Variants in PCCB observed in about 807,000 individuals in gnomAD.
PCCB encodes propionyl-CoA carboxylase subunit beta.
A neutral mutation model predicts 60.7 loss-of-function variants in PCCB; 43 were observed. The observed-to-expected ratio is 0.71, with a 90% CI of 0.55 to 0.91. The LOEUF (loss-of-function observed/expected upper bound fraction) is 0.91. Among genes scored for constraint, PCCB ranks in the 40% least tolerant of loss-of-function variants. The pLI is 0.00. For missense variants in PCCB, 766 were observed against 702.8 expected (o/e 1.09, Z -1.02); for synonymous variants, 276 against 255.9 (o/e 1.08, Z -0.75).
intron 10 of PCCB, among the ~76,000 whole-genome samples, chr3:136,322,753 C>T (rs1229902188): frequency 6.6e-6 from 1 of 152,134 alleles, no homozygotes; most frequent in Non-Finnish European, 1.5e-5. Context: ...TGAAGGGCTT[C>T]CTTTAGCATT....
At chr3:136,281,881 A>T (rs898684000) in intron 5 of PCCB, among the ~76,000 whole-genome samples, 1 of 152,114 alleles carries the variant, frequency 6.6e-6, no homozygotes, top group Non-Finnish European at 1.5e-5. Context: ...TAGTTCTCTT[A>T]TCACTGTGTT....
At chr3:136,288,341 T>A (rs985657912) in intron 6 of PCCB, among the ~76,000 whole-genome samples, 17 of 152,162 alleles carry the variant, frequency 1.1e-4, no homozygotes, top group African/African-American at 4.1e-4. Flanking sequence ...TAAAATGTTT[T>A]TTATTATTTT....
chr3:136,280,023 A>G (rs963381674), intron 5 of PCCB, among the ~76,000 whole-genome samples: 1 of 152,182 alleles, frequency 6.6e-6, no homozygotes, highest in Non-Finnish European at 1.5e-5. Context: ...TGGGGCCGCA[A>G]CTGCTGAGAG....
At chr3:136,257,029 T>C (rs926163069) in intron 3 of PCCB, among the ~76,000 whole-genome samples, 2 of 152,218 alleles carry the variant, frequency 1.3e-5, no homozygotes, top group Non-Finnish European at 2.9e-5. Context: ...AGCTTTGGGC[T>C]TTCATGAATA....
intron 8 of PCCB, among the ~76,000 whole-genome samples, chr3:136,299,599 T>C (rs1015982578): frequency 9.9e-6 from 1 of 100,862 alleles, no homozygotes; most frequent in Non-Finnish European, 2.0e-5. Context: ...TGCATGTGTA[T>C]GTATGTATAT....
intron 7 of PCCB, 59 bp downstream of exon 7, chr3:136,293,923 A>G: frequency 2.0e-6 from 2 of 1,011,028 alleles, no homozygotes; most frequent in Admixed American, 3.4e-5. Flanking sequence ...GGCATTGCCA[A>G]AGAGCCTGGT....
intron 8 of PCCB, among the ~76,000 whole-genome samples, chr3:136,300,267 G>GT (rs150085851): frequency 9.0e-4 from 137 of 152,296 alleles, no homozygotes; most frequent in African/African-American, 3.0e-3. Flanking sequence ...TTTTTGCGAA[G>GT]TTGGGCTTGA....
chr3:136,267,923 GTTTTTTTTGTAGGTTTGGCTCTTTT>G (rs1942049762), intron 5 of PCCB, among the ~76,000 whole-genome samples: 1 of 135,676 alleles, frequency 7.4e-6, no homozygotes, highest in African/African-American at 2.7e-5. Flanking sequence ...TCTTCATGGA[GTTTTTTTTGTAGGTTTGGCTCTTTT>G]TTTTTTTTTT....
At chr3:136,259,424 C>T (rs556602891) in intron 3 of PCCB, among the ~76,000 whole-genome samples, 20 of 152,254 alleles carry the variant, frequency 1.3e-4, no homozygotes, top group Admixed American at 8.5e-4. Flanking sequence ...AAGATTACGC[C>T]ACTGCACTCC....
At chr3:136,255,462 G>C (rs1941647320) in intron 1 of PCCB, 1 of 299,028 alleles carries the variant, frequency 3.3e-6, no homozygotes, top group Admixed American at 4.8e-5. Flanking sequence ...ACCTGTGTCA[G>C]ATCCTTCACT....
intron 9 of PCCB, among the ~76,000 whole-genome samples, chr3:136,316,093 G>T (rs1412932327): frequency 6.6e-6 from 1 of 151,524 alleles, no homozygotes; most frequent in Admixed American, 6.6e-5. Context: ...GTGGTGCACA[G>T]CTGTGGTCCT....
chr3:136,329,287 T>G (rs1008261345), intron 14 of PCCB, among the ~76,000 whole-genome samples: 2 of 152,162 alleles, frequency 1.3e-5, no homozygotes, highest in African/African-American at 4.8e-5. Flanking sequence ...GGCTTGACAG[T>G]CCAAAATGGC....
intron 3 of PCCB, among the ~76,000 whole-genome samples, chr3:136,258,164 A>G (rs974236624): frequency 6.6e-6 from 1 of 152,216 alleles, no homozygotes; most frequent in South Asian, 2.1e-4. Flanking sequence ...TTTTCTGGAC[A>G]TGATGTTCAC....
intron 4 of PCCB, 87 bp downstream of exon 4, chr3:136,260,622 C>A: frequency 8.7e-7 from 1 of 1,146,520 alleles, no homozygotes; most frequent in Non-Finnish European, 1.3e-6. Flanking sequence ...AGACACTGAG[C>A]TAGGTACTTG....
At chr3:136,327,590 T>G (rs377610858) in intron 12 of PCCB, 44 bp from the exon 13 acceptor site, 1 of 1,427,104 alleles carries the variant, frequency 7.0e-7, no homozygotes, top group Admixed American at 1.7e-5. Context: ...GGACATGATC[T>G]GGCTGTCTCA....
chr3:136,317,107 C>A, intron 10 of PCCB, 43 bp downstream of exon 10: 1 of 1,610,244 alleles, frequency 6.2e-7, no homozygotes, highest in Non-Finnish European at 8.5e-7. Flanking sequence ...GGGTTGGAGG[C>A]CAGGGAAGCC....
intron 5 of PCCB, among the ~76,000 whole-genome samples, chr3:136,281,075 G>C (rs151011891): frequency 2.4e-4 from 37 of 152,210 alleles, no homozygotes; most frequent in African/African-American, 8.9e-4. Flanking sequence ...ATTGTGTTTT[G>C]ACAGTTTGAC....
intron 4 of PCCB, among the ~76,000 whole-genome samples, chr3:136,261,750 G>A (rs183259770): frequency 6.6e-6 from 1 of 152,256 alleles, no homozygotes; most frequent in Admixed American, 6.5e-5. Flanking sequence ...GTGTTTGGGG[G>A]CTTTAATCAG....
rs779756518 is a variant in PCCB at position 136,301,037 on chromosome 3, C to T, written c.892C>T (p.Leu298=). Residue 298 remains leucine, a synonymous_variant, in exon 9 of 15, where the codon CTG becomes TTG. Transcript: ENST00000251654. ...CCTTTTTTCTGCCTAAAGTGACCGT[C>T]TGGTTCCTGAGCTTGACACAATTGT... The part of the protein sequence containing the change: ...VRECHDPSDR[L]VPELDTIVPL... 1 of 1,613,948 alleles carries T rather than the reference C, an allele frequency of 6.2e-7. No homozygotes were observed. The highest frequency in any genetic ancestry group is 1.3e-5 in the African/African-American group (1 of 74,914).
Sources: gnomAD v4.1 joint callset for allele counts (sites outside exome capture counted in the v4.1 genomes callset) on GRCh38, gnomAD v4.1.1 for gene constraint, MANE v1.5 for transcripts, NCBI Gene and HGNC (gene_info 2026-07-23, HGNC 2026-07-21) for gene names.